SEMA6D: variants seen among roughly 807,000 people sequenced by gnomAD.
SEMA6D encodes semaphorin 6D.
SEMA6D carries 35 observed loss-of-function variants against 106.6 expected under a neutral mutation model. The observed-to-expected ratio is 0.33, with a 90% CI of 0.25 to 0.44. SEMA6D has a LOEUF of 0.44. Among genes scored for constraint, SEMA6D ranks in the 20% least tolerant of loss-of-function variants. The pLI is 1.00. For missense variants in SEMA6D, 1,185 were observed against 1,345.9 expected, an observed-to-expected ratio of 0.88 and a Z score of 1.87; for synonymous variants, 499 against 487.7, an observed-to-expected ratio of 1.02 and a Z score of -0.31.
intron 8 of SEMA6D, among the ~76,000 whole-genome samples, chr15:47,762,553 G>T (rs1182708956): frequency 6.6e-6 from 1 of 152,084 alleles, no homozygotes; most frequent in Non-Finnish European, 1.5e-5. Flanking sequence ...AAAAAAAAAG[G>T]GGAGATTTCA....
intron 4 of SEMA6D, among the ~76,000 whole-genome samples, chr15:47,680,421 G>T (rs908754917): frequency 1.2e-4 from 18 of 152,070 alleles, no homozygotes; most frequent in Admixed American, 8.5e-4. Flanking sequence ...ATAACAGGAT[G>T]GAAACTTGAT....
Position 47,761,150 on chromosome 15 carries a change from T to G in SEMA6D, c.283-8T>G. 44 of 1,613,678 alleles carry G rather than the reference T, an allele frequency of 2.7e-5. No homozygotes were observed. Among genetic ancestry groups the G allele is most frequent in the Non-Finnish European group, 3.6e-5 (43 of 1,179,792 alleles). On this transcript the variant is annotated splice_region_variant and splice_polypyrimidine_tract_variant and intron_variant, in intron 4 of 18. Transcript: ENST00000536845. ...AAAAACTGCTTTGGTTTTGCTTGAT[T>G]AATACAGAAACTGACATGGCGATCA...
chr15:47,310,149 A>G (rs2036391185), intron 1 of SEMA6D, among the ~76,000 whole-genome samples: 2 of 152,212 alleles, frequency 1.3e-5, no homozygotes, highest in African/African-American at 4.8e-5. Flanking sequence ...GGTGGAAAAG[A>G]TAGATGAATT....
At chr15:47,603,625 A>G (rs1283992503) in intron 4 of SEMA6D, among the ~76,000 whole-genome samples, 1 of 152,112 alleles carries the variant, frequency 6.6e-6, no homozygotes, top group African/African-American at 2.4e-5. Context: ...CGTGTCTAAA[A>G]TGAAGTTACA....
intron 4 of SEMA6D, among the ~76,000 whole-genome samples, chr15:47,656,653 C>T (rs925493479): frequency 1.3e-5 from 2 of 152,182 alleles, no homozygotes; most frequent in Non-Finnish European, 2.9e-5. Context: ...AGCCTTCAAA[C>T]TTGTTTGCTT....
chr15:47,662,405 T>C (rs1181780246), intron 4 of SEMA6D, among the ~76,000 whole-genome samples: 1 of 152,210 alleles, frequency 6.6e-6, no homozygotes, highest in African/African-American at 2.4e-5. Flanking sequence ...AACTTCAAAA[T>C]AACCAAGTCT....
chr15:47,482,887 A>G (rs1452785969), intron 3 of SEMA6D, among the ~76,000 whole-genome samples: 1 of 152,176 alleles, frequency 6.6e-6, no homozygotes, highest in Non-Finnish European at 1.5e-5. Flanking sequence ...TATTATTTCA[A>G]CACTTTCAAT....
chr15:47,541,391 TAA>T (rs1391126630), intron 3 of SEMA6D, among the ~76,000 whole-genome samples: 1 of 152,116 alleles, frequency 6.6e-6, no homozygotes, highest in Non-Finnish European at 1.5e-5. Context: ...ATCCCTATAG[TAA>T]ATAAAAAACT....
At chr15:47,296,215 C>A (rs1044783503) in intron 1 of SEMA6D, among the ~76,000 whole-genome samples, 8 of 152,140 alleles carry the variant, frequency 5.3e-5, no homozygotes, top group Non-Finnish European at 7.4e-5. Context: ...TGTAGGAGGT[C>A]ACAACAGCTA....
At chr15:47,490,751 A>G (rs1223625660) in intron 3 of SEMA6D, among the ~76,000 whole-genome samples, 1 of 152,236 alleles carries the variant, frequency 6.6e-6, no homozygotes, top group Non-Finnish European at 1.5e-5. Flanking sequence ...TATTCCACCA[A>G]GCAAATAAGG....
At chr15:47,358,018 G>GA (rs1294640256) in intron 1 of SEMA6D, among the ~76,000 whole-genome samples, 2 of 152,004 alleles carry the variant, frequency 1.3e-5, no homozygotes, top group African/African-American at 4.8e-5. Context: ...ACATAGCTTT[G>GA]AAAAAAATCT....
upstream of SEMA6D, among the ~76,000 whole-genome samples, chr15:47,713,494 T>C (rs2146116334): frequency 6.6e-6 from 1 of 152,344 alleles, no homozygotes; most frequent in South Asian, 2.1e-4. Context: ...TTTGGGTCTA[T>C]ATTATTAATG....
chr15:47,419,546 G>A (rs2041085645), intron 2 of SEMA6D, among the ~76,000 whole-genome samples: 2 of 152,026 alleles, frequency 1.3e-5, no homozygotes. Flanking sequence ...TTTTATTGAG[G>A]AAGAAGGACA....
intron 1 of SEMA6D, among the ~76,000 whole-genome samples, chr15:47,757,481 A>G (rs1351213515): frequency 1.3e-5 from 2 of 152,196 alleles, no homozygotes; most frequent in African/African-American, 2.4e-5. Flanking sequence ...AAGCAAGACA[A>G]GAAGACACTG....
chr15:47,651,143 C>A (rs1390217980), intron 4 of SEMA6D, among the ~76,000 whole-genome samples: 1 of 152,296 alleles, frequency 6.6e-6, no homozygotes, highest in East Asian at 1.9e-4. Flanking sequence ...GGCATGATGG[C>A]TCATACCTGT....
chr15:47,434,204 G>T (rs185854534), intron 2 of SEMA6D, among the ~76,000 whole-genome samples: 5 of 152,040 alleles, frequency 3.3e-5, no homozygotes, highest in Non-Finnish European at 7.4e-5. Flanking sequence ...TGGAGGCTGA[G>T]GGAGAAAGGG....
intron 1 of SEMA6D, among the ~76,000 whole-genome samples, chr15:47,745,932 T>C (rs1279777220): frequency 6.6e-6 from 1 of 152,188 alleles, no homozygotes; most frequent in Non-Finnish European, 1.5e-5. Flanking sequence ...CATGTCCCCT[T>C]CACCCAGGAA....
At chr15:47,624,696 T>C (rs1690327965) in intron 4 of SEMA6D, among the ~76,000 whole-genome samples, 1 of 152,214 alleles carries the variant, frequency 6.6e-6, no homozygotes, top group East Asian at 1.9e-4. Context: ...ATGAGATAAA[T>C]GTGAGTCAGC....
At chr15:47,306,157 T>G (rs1450574263) in intron 1 of SEMA6D, among the ~76,000 whole-genome samples, 1 of 151,862 alleles carries the variant, frequency 6.6e-6, no homozygotes, top group Non-Finnish European at 1.5e-5. Context: ...AATTTTTTTG[T>G]ATTTTTTAGT....
Sources: gnomAD v4.1 joint callset for allele counts (sites outside exome capture counted in the v4.1 genomes callset) on GRCh38, gnomAD v4.1.1 for gene constraint, MANE v1.5 for transcripts, NCBI Gene and HGNC (gene_info 2026-07-23, HGNC 2026-07-21) for gene names.